ASCC3: variants seen among roughly 807,000 people sequenced by gnomAD.
The protein encoded by ASCC3 is activating signal cointegrator 1 complex subunit 3, also known as ASC-1 complex subunit P200.
Under a neutral mutation model 256.3 loss-of-function variants are expected in ASCC3, and 158 were observed. The observed-to-expected ratio is 0.62, with a 90% CI of 0.54 to 0.70. The LOEUF is 0.70. Ranked by LOEUF, ASCC3 falls within the 30% of genes least tolerant of loss-of-function variation. ASCC3 has a pLI of 0.00. For missense variants in ASCC3, 2,259 were observed against 2,626.0 expected (o/e 0.86, Z 3.05); for synonymous variants, 948 against 883.4 (o/e 1.07, Z -1.30).
At chr6:100,666,795 T>G (rs1582661671) in intron 14 of ASCC3, among the ~76,000 whole-genome samples, 1 of 152,176 alleles carries the variant, frequency 6.6e-6, no homozygotes, top group East Asian at 1.9e-4. Flanking sequence ...CTAAATTATT[T>G]ACATTCCTAA....
At chr6:100,585,845 C>A (rs574446198) in intron 36 of ASCC3, among the ~76,000 whole-genome samples, 3 of 152,338 alleles carry the variant, frequency 2.0e-5, no homozygotes, top group Admixed American at 1.3e-4. Context: ...TAGAGGTCCA[C>A]TCCAGACCCT....
chr6:100,837,874 G>GA (rs1346252299), intron 4 of ASCC3, among the ~76,000 whole-genome samples: 2 of 151,964 alleles, frequency 1.3e-5, no homozygotes, highest in South Asian at 4.1e-4. Context: ...AAAAAAGCTG[G>GA]AAAAGAGGAT....
At chr6:100,840,518 A>G (rs944661065) in intron 4 of ASCC3, among the ~76,000 whole-genome samples, 1 of 140,754 alleles carries the variant, frequency 7.1e-6, no homozygotes, top group Admixed American at 7.1e-5. Context: ...TTGGCGTAAG[A>G]GTCTTTATTG....
At chr6:100,873,786 T>A (rs1278682506) in intron 1 of ASCC3, among the ~76,000 whole-genome samples, 3 of 152,128 alleles carry the variant, frequency 2.0e-5, no homozygotes, top group African/African-American at 7.2e-5. Flanking sequence ...CTAAGCTTCA[T>A]AAATGAAGGG....
chr6:100,585,733 G>A (rs1214808061), intron 36 of ASCC3, among the ~76,000 whole-genome samples: 1 of 152,136 alleles, frequency 6.6e-6, no homozygotes, highest in Non-Finnish European at 1.5e-5. Context: ...GGTCTTTGAT[G>A]ATGGTGATGT....
At chr6:100,791,824 C>A (rs957744546) in intron 8 of ASCC3, among the ~76,000 whole-genome samples, 1 of 151,922 alleles carries the variant, frequency 6.6e-6, no homozygotes, top group Non-Finnish European at 1.5e-5. Flanking sequence ...GAAAATATTT[C>A]CTCACTCTTA....
intron 38 of ASCC3, among the ~76,000 whole-genome samples, 195 bp downstream of exon 38, chr6:100,517,796 T>G (rs1271866252): frequency 1.3e-5 from 2 of 152,138 alleles, no homozygotes; most frequent in African/African-American, 4.8e-5. Context: ...AAACTGTAGT[T>G]CAGCTTGGGA....
At chr6:100,538,313 A>G (rs565733230) in intron 37 of ASCC3, among the ~76,000 whole-genome samples, 2 of 152,274 alleles carry the variant, frequency 1.3e-5, no homozygotes, top group Admixed American at 1.3e-4. Context: ...AAGTGTGACT[A>G]ATAAGCAGTA....
intron 10 of ASCC3, among the ~76,000 whole-genome samples, chr6:100,726,005 A>C (rs1230362241): frequency 1.3e-5 from 2 of 151,162 alleles, no homozygotes; most frequent in Non-Finnish European, 3.0e-5. Flanking sequence ...AAAAAAAAAA[A>C]CAGTAAGAAC....
At chr6:100,647,148 C>G in intron 21 of ASCC3, 78 bp downstream of exon 21, 1 of 1,274,008 alleles carries the variant, frequency 7.8e-7, no homozygotes, top group Non-Finnish European at 1.1e-6. Flanking sequence ...TGGAAATTCA[C>G]AATACCTTCT....
chr6:100,793,049 C>T (rs1449304078), intron 8 of ASCC3, among the ~76,000 whole-genome samples: 1 of 151,902 alleles, frequency 6.6e-6, no homozygotes, highest in Admixed American at 6.6e-5. Flanking sequence ...GTAGTGGATG[C>T]TATCCTACAA....
At chr6:100,600,404 A>T (rs1772545303) in intron 34 of ASCC3, among the ~76,000 whole-genome samples, 1 of 152,118 alleles carries the variant, frequency 6.6e-6, no homozygotes, top group African/African-American at 2.4e-5. Context: ...CATGATTCTA[A>T]TCCTGTAATG....
At chr6:100,695,813 G>A (rs1365197836) in intron 13 of ASCC3, among the ~76,000 whole-genome samples, 1 of 152,112 alleles carries the variant, frequency 6.6e-6, no homozygotes, top group Non-Finnish European at 1.5e-5. Flanking sequence ...CTCTCCTGTG[G>A]TGCAACCCAT....
chr6:100,708,546 G>A (rs182709046), intron 13 of ASCC3, among the ~76,000 whole-genome samples: 2 of 152,144 alleles, frequency 1.3e-5, no homozygotes, highest in East Asian at 1.9e-4. Flanking sequence ...TATGTACCCC[G>A]GGGAACATCT....
intron 4 of ASCC3, among the ~76,000 whole-genome samples, chr6:100,843,795 G>T (rs181101564): frequency 6.6e-6 from 1 of 151,788 alleles, no homozygotes; most frequent in African/African-American, 2.4e-5. Context: ...TTAAGACCTC[G>T]CTTTTAAATA....
chr6:100,644,890 T>C (rs1349191046), intron 22 of ASCC3, among the ~76,000 whole-genome samples: 1 of 152,154 alleles, frequency 6.6e-6, no homozygotes, highest in Non-Finnish European at 1.5e-5. Context: ...CTGAAAACAT[T>C]TGAGAAGTAC....
intron 29 of ASCC3, among the ~76,000 whole-genome samples, chr6:100,626,769 T>C (rs979153851): frequency 6.6e-6 from 1 of 152,160 alleles, no homozygotes; most frequent in Non-Finnish European, 1.5e-5. Context: ...AATATTGATA[T>C]CATTTGGACA....
At chr6:100,529,671 C>A (rs1284246967) in intron 37 of ASCC3, among the ~76,000 whole-genome samples, 1 of 152,076 alleles carries the variant, frequency 6.6e-6, no homozygotes, top group African/African-American at 2.4e-5. Flanking sequence ...AAAACAAATT[C>A]TCACTAGATC....
At chr6:100,733,380 T>A (rs1182435509) in intron 10 of ASCC3, among the ~76,000 whole-genome samples, 1 of 152,104 alleles carries the variant, frequency 6.6e-6, no homozygotes, top group African/African-American at 2.4e-5. Flanking sequence ...CCCTTATGAA[T>A]ACATTAATGC....
Sources: allele counts gnomAD v4.1 joint callset (sites outside exome capture counted in the v4.1 genomes callset), GRCh38; gene constraint gnomAD v4.1.1; transcripts MANE v1.5; gene names NCBI Gene and HGNC (gene_info 2026-07-23, HGNC 2026-07-21).